The following TPPP variants were observed in gnomAD, a reference collection of about 807,000 sequenced individuals.
The protein encoded by TPPP is tubulin polymerization promoting protein, also known as tubulin polymerization-promoting protein.
TPPP carries 6 observed loss-of-function variants against 15.5 expected under a neutral mutation model. The observed-to-expected ratio is 0.39, with a 90% CI of 0.21 to 0.77. The LOEUF (loss-of-function observed/expected upper bound fraction) is 0.77, where lower values mean the gene tolerates loss of function less well. Among genes scored for constraint, TPPP ranks in the 30% least tolerant of loss-of-function variants. TPPP has a pLI of 0.42. For missense variants in TPPP, 269 were observed against 307.2 expected, an observed-to-expected ratio of 0.88 and a Z score of 0.93; for synonymous variants, 146 against 133.9, an observed-to-expected ratio of 1.09 and a Z score of -0.63.
At chr5:692,720 C>A (rs1334567760) in intron 1 of TPPP, 1 of 981,234 alleles carries the variant, frequency 1.0e-6, no homozygotes, top group Admixed American at 6.3e-5. Context: ...GGAGGCTCTG[C>A]GGGGGGCGGT....
At position 665,268 on chromosome 5, in the gene TPPP, C is replaced by T. The variant is rs1186270876; in HGVS notation, c.494G>A (p.Arg165Lys). ...TKAISSPTVS[R>K]LTDTTKFTGS... ...CGTGAACTTGGTGGTGTCCGTGAGC[C>T]TCGACACTGTGGGCGACGAGATGGC... The change falls in exon 4 of 4, where the codon AGG becomes AAG. Residue 165 changes from arginine to lysine, a missense_variant. Physicochemically the swap from Arg to Lys is conservative, Grantham distance 26. Coordinates refer to ENST00000360578, the MANE Select transcript of TPPP (RefSeq NM_007030.3). The T allele has an allele frequency of 6.2e-7, 1 of 1,613,568 alleles. No homozygotes were observed. Among genetic ancestry groups the T allele is most frequent in the Non-Finnish European group, 8.5e-7 (1 of 1,179,904 alleles).
intron 2 of TPPP, among the ~76,000 whole-genome samples, chr5:668,932 T>C (rs1021924233): frequency 6.6e-6 from 1 of 152,172 alleles, no homozygotes; most frequent in South Asian, 2.1e-4. Context: ...CGCTGGGTGA[T>C]TCCCAGACCC....
chr5:669,707 C>T lies in TPPP; in HGVS notation c.312-3584G>A, dbSNP rs566502484. Among the ~76,000 whole-genome samples, 10 of 152,172 alleles carry T rather than the reference C, an allele frequency of 6.6e-5. No homozygotes were observed. In the South Asian group the frequency reaches 1.0e-3, roughly 16 times the overall value. Reference sequence around the variant, plus strand: ...CCCCATCAGAGGCGACATTCAGATCCGGACACCTGCTCTGCGCGCTCCCCG... The same window carrying T: ...CCCCATCAGAGGCGACATTCAGATCTGGACACCTGCTCTGCGCGCTCCCCG... On this transcript the variant is annotated intron_variant, in intron 2 of 3. Coordinates refer to ENST00000360578, the MANE Select transcript of TPPP (RefSeq NM_007030.3).
intron 2 of TPPP, among the ~76,000 whole-genome samples, chr5:673,758 G>GC (rs112421886): frequency 2.6e-4 from 40 of 152,124 alleles, no homozygotes; most frequent in African/African-American, 9.4e-4. Context: ...CCAAGCTTTA[G>GC]CCCCCCAAGC....
chr5:691,858 ACAG>A (rs1740879686), intron 1 of TPPP, among the ~76,000 whole-genome samples: 1 of 91,758 alleles, frequency 1.1e-5, no homozygotes, highest in African/African-American at 4.2e-5. Context: ...CCCCATCAAA[ACAG>A]CAGCCCCCTA....
chr5:671,736 G>A (rs920457975), intron 2 of TPPP, among the ~76,000 whole-genome samples: 1 of 152,208 alleles, frequency 6.6e-6, no homozygotes, highest in Non-Finnish European at 1.5e-5. Flanking sequence ...CGGAAGCCAC[G>A]TTCATCCTGC....
Position 660,289 on chromosome 5 carries a change from C to T in TPPP, c.*4813G>A, listed in dbSNP as rs1226603230. 1 of 151,752 alleles carries T rather than the reference C, an allele frequency of 6.6e-6. No homozygotes were observed. The highest frequency in any genetic ancestry group is 2.4e-5 in the African/African-American group (1 of 41,270). The allele number at this position is 151,752 out of a possible 1,614,324, so 9.4% of individuals were successfully genotyped here. On this transcript the variant is annotated 3_prime_UTR_variant, in exon 4 of 4. Coordinates refer to ENST00000360578, the MANE Select transcript of TPPP (RefSeq NM_007030.3). ...AAACTAGTAGTTACACGATCCCTTT[C>T]AAGTTTCTCTTAAGTTGTGCAGATT... is the stretch of plus-strand genomic sequence containing the variant.
chr5:660,902 A>C lies in TPPP; in HGVS notation c.*4200T>G, dbSNP rs913026461. The C allele has an allele frequency of 6.6e-6, 1 of 152,268 alleles. No homozygotes were observed. Among genetic ancestry groups the C allele is most frequent in the African/African-American group, 2.4e-5 (1 of 41,442 alleles). 9.4% of individuals were successfully genotyped at this position (152,268 alleles called of 1,614,324 possible). A position where few individuals can be genotyped will look rare whatever the true frequency, so the allele number is the denominator to read the frequency against. The stretch of plus-strand genomic sequence containing the variant: ...AACAGGCAAGTGGGGCGGCCACAGG[A>C]CATGATGCCAGCCCAACTCCACCAT... On this transcript the variant is annotated 3_prime_UTR_variant, in exon 4 of 4. Transcript: ENST00000360578.
chr5:679,449 T>C (rs1579192320), intron 1 of TPPP, among the ~76,000 whole-genome samples: 1 of 129,812 alleles, frequency 7.7e-6, no homozygotes, highest in South Asian at 2.7e-4. Flanking sequence ...ATCCTGGGGG[T>C]GGAAGGGCCA....
At chr5:692,165 ACCTATCAAAACAGCAGCCCCCAACC>A (rs1561096221) in intron 1 of TPPP, among the ~76,000 whole-genome samples, 18 of 9,374 alleles carry the variant, frequency 1.9e-3, no homozygotes, top group Non-Finnish European at 2.4e-3. Flanking sequence ...GCCCCCAACC[ACCTATCAAAACAGCAGCCCCCAACC>A]CCTATCAAAA....
intron 2 of TPPP, among the ~76,000 whole-genome samples, chr5:671,221 G>T (rs1397210361): frequency 1.3e-5 from 2 of 151,702 alleles, no homozygotes; most frequent in African/African-American, 4.9e-5. Flanking sequence ...ATTTTGCGTT[G>T]CTGCCGGCCT....
At chr5:678,930 C>T (rs1410974593) in intron 1 of TPPP, among the ~76,000 whole-genome samples, 12 of 151,902 alleles carry the variant, frequency 7.9e-5, no homozygotes, top group East Asian at 3.9e-4. Context: ...CGGTAAGACC[C>T]AGTCAGGCCC....
At chr5:685,289 C>T (rs1182817467) in intron 1 of TPPP, among the ~76,000 whole-genome samples, 1 of 152,238 alleles carries the variant, frequency 6.6e-6, no homozygotes, top group African/African-American at 2.4e-5. Flanking sequence ...AAGGCCAGAG[C>T]CAAGCCCAGG....
At chr5:696,127 C>T (rs551829808), upstream of TPPP, among the ~76,000 whole-genome samples, 14 of 129,318 alleles carry the variant, frequency 1.1e-4, no homozygotes, top group East Asian at 2.6e-3. Context: ...GGTAGAGGTT[C>T]AGGCTGACAG....
At chr5:694,552 A>G, upstream of TPPP, among the ~76,000 whole-genome samples, 1 of 104,270 alleles carries the variant, frequency 9.6e-6, no homozygotes, top group Non-Finnish European at 2.4e-5. Context: ...CACCCACCCC[A>G]CGGTGGTCCC....
chr5:686,834 G>A (rs1362678634), intron 1 of TPPP, among the ~76,000 whole-genome samples: 1 of 143,054 alleles, frequency 7.0e-6, no homozygotes, highest in African/African-American at 2.5e-5. Context: ...TGGGGGATGA[G>A]ATTCAGCTAT....
Position 666,129 on chromosome 5 carries a change from G to GGGGCACAGGCGTCTTA in TPPP, c.312-7_312-6insTAAGACGCCTGTGCCC. ...TGGTCCGGCAAGACTTCCCTCTACA[G>GGGGCACAGGCGTCTTA]GGGCACAGGCGACTTAGGGCTGGGC... On this transcript the variant is annotated splice_polypyrimidine_tract_variant and splice_region_variant and intron_variant, in intron 2 of 3. Transcript: ENST00000360578. 1 of 1,606,620 alleles carries GGGGCACAGGCGTCTTA rather than the reference G, an allele frequency of 6.2e-7. No individual in the cohort carries two copies.
chr5:684,512 G>A (rs1009044028), intron 1 of TPPP, among the ~76,000 whole-genome samples: 4 of 152,070 alleles, frequency 2.6e-5, no homozygotes, highest in Admixed American at 2.6e-4. Flanking sequence ...AGAAGCAAAA[G>A]CCACTCTCAC....
intron 1 of TPPP, among the ~76,000 whole-genome samples, chr5:688,658 C>T (rs1406783528): frequency 7.0e-6 from 1 of 143,668 alleles, no homozygotes; most frequent in Non-Finnish European, 1.6e-5. Flanking sequence ...TGGGCACTGA[C>T]GAAGGTGGCA....
Sources: gnomAD v4.1 joint callset for allele counts (sites outside exome capture counted in the v4.1 genomes callset) on GRCh38, gnomAD v4.1.1 for gene constraint, MANE v1.5 for transcripts, NCBI Gene and HGNC (gene_info 2026-07-23, HGNC 2026-07-21) for gene names.